The following MIER1 variants were observed in gnomAD, a reference collection of about 807,000 sequenced individuals.
MIER1 encodes the protein mesoderm induction early response protein 1.
In MIER1, 40 loss-of-function variants were observed where a neutral mutation model predicts 75.7. That is an observed-to-expected ratio of 0.53 (90% confidence interval 0.41 to 0.69). The LOEUF (loss-of-function observed/expected upper bound fraction) is 0.69. MIER1 is among the 30% of genes least tolerant of loss of function. The pLI is 0.00. For missense variants in MIER1, 574 were observed against 680.2 expected, an observed-to-expected ratio of 0.84 and a Z score of 1.74; for synonymous variants, 213 against 223.4, an observed-to-expected ratio of 0.95 and a Z score of 0.42.
intron 4 of MIER1, among the ~76,000 whole-genome samples, chr1:66,948,691 A>T (rs1450546356): frequency 1.3e-5 from 2 of 152,302 alleles, no homozygotes; most frequent in African/African-American, 4.8e-5. Flanking sequence ...CCTGGAGGTC[A>T]AGACCAGCCT....
chr1:66,944,428 T>C (rs1031415088), intron 3 of MIER1, among the ~76,000 whole-genome samples: 1 of 150,288 alleles, frequency 6.7e-6, no homozygotes, highest in Non-Finnish European at 1.5e-5. Context: ...CTGTAAAATA[T>C]CCCCAAGTTT....
At chr1:66,944,606 T>C (rs1657048109) in intron 3 of MIER1, among the ~76,000 whole-genome samples, 1 of 152,066 alleles carries the variant, frequency 6.6e-6, no homozygotes, top group African/African-American at 2.4e-5. Context: ...TTTAATGCCT[T>C]TGATAGGAGT....
chr1:66,927,657 A>T (rs1452863409), intron 2 of MIER1, among the ~76,000 whole-genome samples: 3 of 152,150 alleles, frequency 2.0e-5, no homozygotes, highest in African/African-American at 7.2e-5. Context: ...TAATGGATGG[A>T]AACAACAAGG....
rs1043114567 is a variant in MIER1 at position 66,984,972 on chromosome 1, C to CTTAAA, written c.*73_*77dup. ...AAAATTTTCAGGGTTGATGGGTTAC[C>CTTAAA]TTAAAAAGTTGATTTCCTTGAAGCA... On this transcript the variant is annotated 3_prime_UTR_variant, in exon 14 of 14. Coordinates refer to ENST00000401041, the MANE Select transcript of MIER1 (RefSeq NM_001077700.3). The CTTAAA allele has an allele frequency of 6.1e-6, 9 of 1,476,028 alleles. No homozygotes were observed. Among genetic ancestry groups the CTTAAA allele is most frequent in the Non-Finnish European group, 8.1e-6 (9 of 1,115,544 alleles). 91.4% of individuals were successfully genotyped at this position (1,476,028 alleles called of 1,614,324 possible). A position where few individuals can be genotyped will look rare whatever the true frequency, so the allele number is the denominator to read the frequency against.
At chr1:66,969,926 G>T (rs1663261376) in intron 8 of MIER1, among the ~76,000 whole-genome samples, 1 of 152,120 alleles carries the variant, frequency 6.6e-6, no homozygotes, top group African/African-American at 2.4e-5. Context: ...TGTTAGTAAA[G>T]CTGGCATAAC....
chr1:66,963,705 C>T (rs1402860897), intron 8 of MIER1, among the ~76,000 whole-genome samples: 5 of 151,992 alleles, frequency 3.3e-5, no homozygotes, highest in Admixed American at 6.6e-5. Flanking sequence ...GTCAGGAGTT[C>T]GAGACCAGCC....
At chr1:66,945,289 A>ATATATATATATATATATATATATATG (rs1657281609) in intron 3 of MIER1, among the ~76,000 whole-genome samples, 1 of 7,576 alleles carries the variant, frequency 1.3e-4, no homozygotes, top group African/African-American at 5.3e-4. Context: ...ATATATATAT[A>ATATATATATATATATATATATATATG]TATATATATA....
intron 2 of MIER1, 137 bp from the exon 3 acceptor site, chr1:66,939,891 G>T: frequency 1.6e-6 from 1 of 611,148 alleles, no homozygotes; most frequent in East Asian, 2.9e-5. Flanking sequence ...GGAAAATGCA[G>T]ACATTAAAAC....
intron 11 of MIER1, 67 bp from the exon 12 acceptor site, chr1:66,976,527 CA>C: frequency 6.9e-7 from 1 of 1,459,828 alleles, no homozygotes; most frequent in Non-Finnish European, 9.2e-7. Context: ...TTTCAAACTT[CA>C]GATGTTTATC....
At chr1:66,960,258 ATTAC>A (rs1419859836) in intron 7 of MIER1, among the ~76,000 whole-genome samples, 3 of 152,188 alleles carry the variant, frequency 2.0e-5, no homozygotes, top group African/African-American at 7.2e-5. Context: ...TTCATTCTGT[ATTAC>A]TTTATAAAAG....
chr1:66,980,588 T>G (rs563309560), intron 12 of MIER1, among the ~76,000 whole-genome samples: 1 of 152,200 alleles, frequency 6.6e-6, no homozygotes, highest in Non-Finnish European at 1.5e-5. Flanking sequence ...TTCCACTGTT[T>G]CCTTCTTATT....
chr1:66,929,970 C>G (rs1477389236), intron 2 of MIER1, among the ~76,000 whole-genome samples: 1 of 152,218 alleles, frequency 6.6e-6, no homozygotes, highest in African/African-American at 2.4e-5. Flanking sequence ...GGATGTGACT[C>G]CTTTGGCACT....
chr1:66,967,538 A>G (rs1351917704), intron 8 of MIER1, among the ~76,000 whole-genome samples: 7 of 151,936 alleles, frequency 4.6e-5, no homozygotes, highest in African/African-American at 1.7e-4. Context: ...GAAGAATGTC[A>G]TTGGTAATTT....
chr1:66,986,644 A>G lies in MIER1; in HGVS notation c.*1744A>G. 1.8e-6 allele frequency: 1 copy of G among 558,842 alleles called. No homozygotes were observed. The highest frequency in any genetic ancestry group is 3.2e-6 in the Non-Finnish European group (1 of 314,508). 34.6% of individuals were successfully genotyped at this position (558,842 alleles called of 1,614,324 possible). ...AACTTTTTTTCCCAAACAGTGTTAA[A>G]AGCCACTTTGCAACACTTGACTTCA... On this transcript the variant is annotated 3_prime_UTR_variant, in exon 14 of 14. Coordinates refer to ENST00000401041, the MANE Select transcript of MIER1 (RefSeq NM_001077700.3).
chr1:66,942,937 T>C (rs761708656), intron 3 of MIER1, among the ~76,000 whole-genome samples: 3 of 152,192 alleles, frequency 2.0e-5, no homozygotes, highest in Non-Finnish European at 4.4e-5. Context: ...CCTATGAACT[T>C]GAATTTTTTT....
rs1007810034 is a variant in MIER1 at position 66,945,399 on chromosome 1, G to A, written c.194-751G>A. On this transcript the variant is annotated intron_variant, in intron 3 of 13. Transcript: ENST00000401041. ...TAATGACAAGGAAAAACGCCTGTAC[G>A]TGTTGAAGACAGAGGTTTTTTTGTT... Among the ~76,000 whole-genome samples, 21 of 151,048 alleles carry A rather than the reference G, an allele frequency of 1.4e-4. 1 individual carries two copies. Among genetic ancestry groups the A allele is most frequent in the Admixed American group, 6.6e-4 (10 of 15,118 alleles).
intron 4 of MIER1, among the ~76,000 whole-genome samples, chr1:66,952,816 T>C (rs1229747373): frequency 6.6e-6 from 1 of 151,776 alleles, no homozygotes; most frequent in Non-Finnish European, 1.5e-5. Context: ...TAATTCTTTT[T>C]GTATTTTTTA....
At chr1:66,968,070 T>G (rs1454499831) in intron 8 of MIER1, among the ~76,000 whole-genome samples, 1 of 152,206 alleles carries the variant, frequency 6.6e-6, no homozygotes, top group Non-Finnish European at 1.5e-5. Context: ...TTTTAGAAAG[T>G]AATTATGCAT....
At chr1:66,976,510 A>G (rs1664759967) in intron 11 of MIER1, 85 bp from the exon 12 acceptor site, 3 of 1,387,978 alleles carry the variant, frequency 2.2e-6, no homozygotes, top group African/African-American at 1.4e-5. Flanking sequence ...GGACTAGCCA[A>G]ATTTATTTTC....
Sources: allele counts gnomAD v4.1 joint callset (sites outside exome capture counted in the v4.1 genomes callset), GRCh38; gene constraint gnomAD v4.1.1; transcripts MANE v1.5; gene names NCBI Gene and HGNC (gene_info 2026-07-23, HGNC 2026-07-21).